The following ZBBX variants were observed in gnomAD, a reference collection of about 807,000 sequenced individuals.
ZBBX encodes the protein zinc finger B-box domain-containing protein 1.
In ZBBX, 101 loss-of-function variants were observed where a neutral mutation model predicts 108.5. The observed-to-expected ratio is 0.93, with a 90% CI of 0.79 to 1.10. ZBBX has a LOEUF of 1.10. ZBBX is among the 50% of genes least tolerant of loss of function. ZBBX has a pLI of 0.00. For missense variants in ZBBX, 1,009 were observed against 941.4 expected, an observed-to-expected ratio of 1.07 and a Z score of -0.94; for synonymous variants, 356 against 323.4, an observed-to-expected ratio of 1.10 and a Z score of -1.08.
At chr3:167,404,507 G>A (rs932822265) in intron 1 of ZBBX, among the ~76,000 whole-genome samples, 5 of 146,378 alleles carry the variant, frequency 3.4e-5, no homozygotes, top group African/African-American at 1.3e-4. Flanking sequence ...AGAGGTGGGA[G>A]GCAAACCCTA....
intron 9 of ZBBX, among the ~76,000 whole-genome samples, chr3:167,347,717 T>C (rs1741722201): frequency 1.3e-5 from 2 of 151,994 alleles, no homozygotes; most frequent in Non-Finnish European, 2.9e-5. Flanking sequence ...ACAGGAAGTC[T>C]GTGTATGCTC....
intron 1 of ZBBX, among the ~76,000 whole-genome samples, chr3:167,407,693 G>A (rs1748629685): frequency 2.0e-5 from 3 of 152,028 alleles, no homozygotes; most frequent in Admixed American, 2.0e-4. Context: ...AAGTAAAGTA[G>A]GTAATTATAA....
At chr3:167,205,888 GA>G in the ZBBX span, among the ~76,000 whole-genome samples, 1 of 151,950 alleles carries the variant, frequency 6.6e-6, no homozygotes, top group Non-Finnish European at 1.5e-5. Context: ...GTTAGAGTTA[GA>G]AAAAAATATA....
chr3:167,383,006 C>G (rs540069468), upstream of ZBBX, among the ~76,000 whole-genome samples: 1 of 152,090 alleles, frequency 6.6e-6, no homozygotes, highest in Non-Finnish European at 1.5e-5. Context: ...TTCTTTGAAC[C>G]AGCTTTACCA....
At chr3:167,191,934 T>TATATATATAG in the ZBBX span, among the ~76,000 whole-genome samples, 12 of 130,220 alleles carry the variant, frequency 9.2e-5, no homozygotes, top group Middle Eastern at 4.0e-3. Context: ...TATATATATA[T>TATATATATAG]AGAGCAAGTT....
At chr3:167,327,472 C>T (rs1177563495) in intron 11 of ZBBX, among the ~76,000 whole-genome samples, 5 of 152,280 alleles carry the variant, frequency 3.3e-5, no homozygotes, top group East Asian at 1.9e-4. Flanking sequence ...TATTAAACCA[C>T]TCACCAATGA....
Position 167,298,475 on chromosome 3 carries a change from TCAA to T in ZBBX, c.1726-20_1726-18del. On this transcript the variant is annotated intron_variant, in intron 17 of 21. Coordinates refer to ENST00000675490, the MANE Select transcript of ZBBX (RefSeq NM_001199201.2). Reference sequence around the variant, plus strand: ...TTGTAACAACTAAGAAACAAAATATTCAACAATATTATTTTCTAACTCATTAAC... The same window carrying T: ...TTGTAACAACTAAGAAACAAAATATTCAATATTATTTTCTAACTCATTAAC... 6.9e-7 allele frequency: 1 copy of T among 1,447,390 alleles called. No individual in the cohort carries two copies. Among genetic ancestry groups the T allele is most frequent in the Non-Finnish European group, 9.2e-7 (1 of 1,084,666 alleles). 89.7% of individuals were successfully genotyped at this position (1,447,390 alleles called of 1,614,324 possible).
chr3:167,406,745 C>T (rs1748599951), intron 1 of ZBBX, among the ~76,000 whole-genome samples: 1 of 152,286 alleles, frequency 6.6e-6, no homozygotes, highest in Non-Finnish European at 1.5e-5. Context: ...CCTTTCAGTT[C>T]TCTACCATGA....
intron 20 of ZBBX, chr3:167,248,578 C>T (rs1384703455): frequency 2.2e-6 from 1 of 456,350 alleles, no homozygotes; most frequent in Non-Finnish European, 4.4e-6. Flanking sequence ...TTGAGACACT[C>T]TAAACAGATA....
At chr3:167,255,449 A>G (rs1188261502) in intron 20 of ZBBX, among the ~76,000 whole-genome samples, 1 of 152,090 alleles carries the variant, frequency 6.6e-6, no homozygotes, top group Non-Finnish European at 1.5e-5. Context: ...CACTAAGAAA[A>G]AAATAAAAGG....
intron 1 of ZBBX, among the ~76,000 whole-genome samples, chr3:167,396,312 A>G (rs977164403): frequency 1.3e-5 from 2 of 151,990 alleles, no homozygotes; most frequent in Non-Finnish European, 1.5e-5. Flanking sequence ...ATCTCTTTGC[A>G]TAGTTGTAAG....
chr3:167,240,493 A>G lies in ZBBX; in HGVS notation c.*300T>C, dbSNP rs963648183. ...TGGACGATGAAATATTTCTTTAAGT[A>G]TAATCATGTTCTGCCCTATAGTAGG... On this transcript the variant is annotated 3_prime_UTR_variant, in exon 22 of 22. Coordinates refer to ENST00000675490, the MANE Select transcript of ZBBX (RefSeq NM_001199201.2). 2 of 184,446 alleles carry G rather than the reference A, an allele frequency of 1.1e-5. No individual in the cohort carries two copies. The highest frequency in any genetic ancestry group is 4.7e-5 in the African/African-American group (2 of 42,336). 11.4% of individuals were successfully genotyped at this position (184,446 alleles called of 1,614,324 possible).
the ZBBX span, among the ~76,000 whole-genome samples, chr3:167,229,742 G>C: frequency 2.0e-5 from 3 of 151,660 alleles, no homozygotes; most frequent in Non-Finnish European, 4.4e-5. Context: ...CTCATGCTTA[G>C]GTTTTGCTTT....
the ZBBX span, among the ~76,000 whole-genome samples, chr3:167,222,912 G>A: frequency 7.9e-5 from 12 of 151,868 alleles, no homozygotes; most frequent in East Asian, 1.9e-4. Flanking sequence ...ACAATGTGTC[G>A]TATATTTCAA....
In ZBBX at chr3:167,295,710, AATAT is replaced by A. The variant is rs1181996279; in HGVS notation, c.1879+2591_1879+2594del. Among the ~76,000 whole-genome samples the A allele has an allele frequency of 4.3e-4, 34 of 78,946 alleles. 2 individuals are homozygous for A. Among genetic ancestry groups the A allele is most frequent in the Non-Finnish European group, 6.6e-4 (28 of 42,212 alleles). The allele number at this position is 78,946 out of a possible 152,430, so 51.8% of individuals were successfully genotyped here. A position where few individuals can be genotyped will look rare whatever the true frequency, so the allele number is the denominator to read the frequency against. On this transcript the variant is annotated intron_variant, in intron 18 of 21. Transcript: ENST00000675490. ...AAATCATGAAGAAACAAAAAATTGG[AATAT>A]ATATATATATATATATATATATATA...
At chr3:167,278,536 C>T (rs1200596886) in intron 20 of ZBBX, among the ~76,000 whole-genome samples, 1 of 141,910 alleles carries the variant, frequency 7.0e-6, no homozygotes, top group Non-Finnish European at 1.5e-5. Flanking sequence ...TACACTCTCC[C>T]AAGACTAAAC....
intron 18 of ZBBX, among the ~76,000 whole-genome samples, chr3:167,295,094 G>T (rs1731399762): frequency 6.6e-6 from 1 of 152,162 alleles, no homozygotes; most frequent in Admixed American, 6.6e-5. Flanking sequence ...ACTGTTGGTG[G>T]GAGTGTAAAT....
At chr3:167,197,624 T>C in the ZBBX span, among the ~76,000 whole-genome samples, 1 of 152,202 alleles carries the variant, frequency 6.6e-6, no homozygotes, top group Non-Finnish European at 1.5e-5. Context: ...CATGAAAATC[T>C]AGATTGACAG....
In ZBBX at chr3:167,343,709, C is replaced by A. The variant is rs1286340343; in HGVS notation, c.528+6711G>T. Among the ~76,000 whole-genome samples, 7 of 151,976 alleles carry A rather than the reference C, an allele frequency of 4.6e-5. No individual in the cohort carries two copies. The South Asian group carries it at 1.5e-3, about 31-fold the overall frequency. On this transcript the variant is annotated intron_variant, in intron 9 of 21. Coordinates refer to ENST00000675490, the MANE Select transcript of ZBBX (RefSeq NM_001199201.2). ...TTACTAGGATGTTAGACCAAAAAGT[C>A]AGATAATAACAAGTGGTGGCTAGGA...
Sources: allele counts gnomAD v4.1 joint callset (sites outside exome capture counted in the v4.1 genomes callset), GRCh38; gene constraint gnomAD v4.1.1; transcripts MANE v1.5; gene names NCBI Gene and HGNC (gene_info 2026-07-23, HGNC 2026-07-21).